The following PDE11A variants were observed in gnomAD, a reference collection of about 807,000 sequenced individuals.
The protein encoded by PDE11A is phosphodiesterase 11A.
In PDE11A, 100 loss-of-function variants were observed where a neutral mutation model predicts 100.5. That is an observed-to-expected ratio of 1.00 (90% CI 0.85 to 1.18). PDE11A has a LOEUF of 1.18. Ranked by LOEUF, PDE11A falls within the 50% of genes most tolerant of loss-of-function variation. The pLI, the probability that PDE11A is intolerant of heterozygous loss-of-function variation, is 0.00. For missense variants in PDE11A, 1,141 were observed against 1,152.6 expected (o/e 0.99, Z 0.15); for synonymous variants, 381 against 420.8 (o/e 0.91, Z 1.16).
intron 5 of PDE11A, among the ~76,000 whole-genome samples, chr2:177,851,871 G>GT (rs1294540415): frequency 2.6e-5 from 4 of 151,974 alleles, no homozygotes; most frequent in Admixed American, 6.6e-5. Context: ...GTAACCATTA[G>GT]TTATTTTTCC....
rs543717515 is a variant in PDE11A, at chr2:177,714,279, C to T, written c.2044-2401G>A. 8.6e-4 allele frequency among the ~76,000 whole-genome samples: 131 copies of T among 152,296 alleles called. 1 individual carries two copies. The highest frequency in any genetic ancestry group is 2.4e-4 in the Non-Finnish European group (16 of 68,024). On this transcript the variant is annotated intron_variant, in intron 12 of 19. Transcript: ENST00000286063. Reference sequence around the variant, plus strand: ...AAGTGCTGGGATTACAGGCGTGAGCCACTACGCCCAGCCCCCCACTATATT... The same window carrying T: ...AAGTGCTGGGATTACAGGCGTGAGCTACTACGCCCAGCCCCCCACTATATT...
intron 2 of PDE11A, among the ~76,000 whole-genome samples, chr2:177,961,384 G>A (rs1006441278): frequency 6.6e-6 from 1 of 152,048 alleles, no homozygotes; most frequent in African/African-American, 2.4e-5. Flanking sequence ...TCCTTCTCTA[G>A]TATAGAGGCT....
chr2:177,958,293 T>C (rs2085591505), intron 2 of PDE11A, among the ~76,000 whole-genome samples: 1 of 152,214 alleles, frequency 6.6e-6, no homozygotes, highest in South Asian at 2.1e-4. Context: ...ATTTGGTAAA[T>C]GACCTTGACG....
At chr2:177,972,419 G>A (rs771649339) in intron 2 of PDE11A, among the ~76,000 whole-genome samples, 4 of 152,222 alleles carry the variant, frequency 2.6e-5, no homozygotes, top group Non-Finnish European at 1.5e-5. Context: ...AGCATCCAGT[G>A]AAGTGGTGGG....
chr2:178,063,334 C>T (rs2086997039), intron 1 of PDE11A, among the ~76,000 whole-genome samples: 1 of 152,102 alleles, frequency 6.6e-6, no homozygotes, highest in African/African-American at 2.4e-5. Flanking sequence ...ATGTGTGGTA[C>T]TGTGTTAAAC....
intron 12 of PDE11A, among the ~76,000 whole-genome samples, chr2:177,719,875 C>CAA (rs558758556): frequency 3.3e-5 from 5 of 151,814 alleles, no homozygotes; most frequent in African/African-American, 9.7e-5. Flanking sequence ...ATCATCTTAA[C>CAA]AACAAAAAAA....
chr2:178,014,656 TGC>T (rs2086312887), intron 1 of PDE11A, among the ~76,000 whole-genome samples, 196 bp from the exon 2 acceptor site: 1 of 152,192 alleles, frequency 6.6e-6, no homozygotes, highest in Admixed American at 6.5e-5. Context: ...CATAGTTGTT[TGC>T]CATAGTAAAT....
intron 4 of PDE11A, among the ~76,000 whole-genome samples, chr2:177,881,341 GTCTATCTA>G (rs56769555): frequency 0.016 from 2,419 of 147,610 alleles, 31 homozygotes; most frequent in African/African-American, 0.026. Context: ...TCATCTATCT[GTCTATCTA>G]TCTATCTATC....
At chr2:177,926,229 T>C (rs1452368413) in intron 2 of PDE11A, among the ~76,000 whole-genome samples, 1 of 150,942 alleles carries the variant, frequency 6.6e-6, no homozygotes, top group African/African-American at 2.4e-5. Flanking sequence ...ATTTTTTCAT[T>C]GTCTAGGAAA....
In PDE11A at chr2:177,941,003, T is replaced by C. The variant is rs72950809; in HGVS notation, c.1072-35816A>G. Among the ~76,000 whole-genome samples, 614 of 152,244 alleles carry C rather than the reference T, an allele frequency of 4.0e-3. 4 individuals carry two copies. The highest frequency in any genetic ancestry group is 5.7e-3 in the Non-Finnish European group (389 of 68,016). ...AATATGTAGTAAAAATTAACACCAG[T>C]TGGGAGAAGGTTAGGGCTCTTAATC... On this transcript the variant is annotated intron_variant, in intron 2 of 19. Coordinates refer to ENST00000286063, the MANE Select transcript of PDE11A (RefSeq NM_016953.4).
At chr2:177,921,285 C>T (rs1307471453) in intron 2 of PDE11A, among the ~76,000 whole-genome samples, 1 of 151,370 alleles carries the variant, frequency 6.6e-6, no homozygotes, top group Non-Finnish European at 1.5e-5. Flanking sequence ...TATAGATATA[C>T]AGAAAATAAT....
intron 6 of PDE11A, among the ~76,000 whole-genome samples, chr2:177,832,413 G>A (rs1284432130): frequency 6.6e-6 from 1 of 152,150 alleles, no homozygotes; most frequent in Non-Finnish European, 1.5e-5. Context: ...TCTTTCTCTT[G>A]TGCTGGATGC....
chr2:177,796,181 C>CT (rs2082706335), intron 9 of PDE11A, among the ~76,000 whole-genome samples: 1 of 151,796 alleles, frequency 6.6e-6, no homozygotes, highest in African/African-American at 2.4e-5. Context: ...TGGTTAGTGT[C>CT]TTTGTGACAC....
intron 2 of PDE11A, among the ~76,000 whole-genome samples, chr2:177,924,138 T>C (rs148389338): frequency 3.9e-5 from 6 of 152,358 alleles, no homozygotes; most frequent in Admixed American, 3.9e-4. Context: ...ACCTCCTTTT[T>C]TATTTTTCCT....
In PDE11A at chr2:178,072,408, C is replaced by G; in HGVS notation, c.30G>C (p.Glu10Asp). 1 of 1,613,574 alleles carries G rather than the reference C, an allele frequency of 6.2e-7. No individual in the cohort carries two copies. Among genetic ancestry groups the G allele is most frequent in the Non-Finnish European group, 8.5e-7 (1 of 1,180,044 alleles). MAASRLDFG[E>D]VETFLDRHPE... ...GGTGCCTGTCCAGGAAAGTTTCCAC[C>G]TCCCCAAAGTCCAGGCGGGAGGCTG... The change falls in exon 1 of 20, where the codon GAG (glutamate) becomes GAC (aspartate). Residue 10 changes from glutamate to aspartate, a missense_variant. Physicochemically the swap from Glu to Asp is conservative, Grantham distance 45. Transcript: ENST00000286063.
intron 9 of PDE11A, among the ~76,000 whole-genome samples, chr2:177,778,128 C>T (rs982401466): frequency 6.6e-5 from 10 of 152,176 alleles, no homozygotes; most frequent in Admixed American, 4.6e-4. Flanking sequence ...GTTGCATTTA[C>T]ACAGCAAGAA....
intron 5 of PDE11A, among the ~76,000 whole-genome samples, chr2:177,859,769 A>C (rs2083913137): frequency 6.6e-6 from 1 of 151,930 alleles, no homozygotes; most frequent in Non-Finnish European, 1.5e-5. Flanking sequence ...AAAAAAAAAA[A>C]TTCTCCAAAC....
chr2:177,662,815 C>T (rs1055693285), intron 19 of PDE11A, among the ~76,000 whole-genome samples: 4 of 132,772 alleles, frequency 3.0e-5, no homozygotes, highest in Non-Finnish European at 6.5e-5. Flanking sequence ...AATTACATAT[C>T]CATCTTCAAG....
intron 5 of PDE11A, among the ~76,000 whole-genome samples, chr2:177,860,825 A>G (rs887785142): frequency 6.6e-6 from 1 of 151,472 alleles, no homozygotes; most frequent in Non-Finnish European, 1.5e-5. Flanking sequence ...TTAATAGAAT[A>G]AAAGACAAAA....
Sources: gnomAD v4.1 joint callset for allele counts (sites outside exome capture counted in the v4.1 genomes callset) on GRCh38, gnomAD v4.1.1 for gene constraint, MANE v1.5 for transcripts, NCBI Gene and HGNC (gene_info 2026-07-23, HGNC 2026-07-21) for gene names.